Variants in GBF1 observed in about 807,000 individuals in gnomAD.
GBF1 encodes the protein golgi brefeldin A resistant guanine nucleotide exchange factor 1.
Under a neutral mutation model 210.5 loss-of-function variants are expected in GBF1, and 114 were observed. The observed-to-expected ratio is 0.54, with a 90% confidence interval of 0.47 to 0.63. GBF1 has a LOEUF of 0.63. GBF1 is among the 30% of genes least tolerant of loss of function. The pLI, the probability that GBF1 is intolerant of heterozygous loss-of-function variation, is 0.00. For synonymous variants in GBF1, 850 were observed against 889.2 expected, an observed-to-expected ratio of 0.96 and a Z score of 0.78; for missense variants, 1,851 against 2,357.7, an observed-to-expected ratio of 0.79 and a Z score of 4.45.
At chr10:102,317,583 A>C (rs1455019929) in intron 3 of GBF1, among the ~76,000 whole-genome samples, 2 of 152,154 alleles carry the variant, frequency 1.3e-5, no homozygotes, top group Non-Finnish European at 2.9e-5. Flanking sequence ...ACGTCATTGC[A>C]CTCCAGCCTG....
Position 102,368,824 on chromosome 10 carries a change from A to G in GBF1, c.2965A>G (p.Ser989Gly), listed in dbSNP as rs760258826. Residue 989 changes from serine (S) to glycine (G), a missense_variant, in exon 23 of 40, where the codon AGC becomes GGC. Coordinates refer to ENST00000369983, the MANE Select transcript of GBF1 (RefSeq NM_001377137.1). Reference protein sequence around the residue: ...IISLCKFTALSSESIENLPSV... With the variant: ...IISLCKFTALGSESIENLPSV... ...CTCTCTATGCAAATTCACAGCTCTC[A>G]GCAGTGAGGTGAGCAGGTGCAGGAA... 1 of 1,603,984 alleles carries G rather than the reference A, an allele frequency of 6.2e-7. No individual in the cohort carries two copies. Among genetic ancestry groups the G allele is most frequent in the Non-Finnish European group, 8.5e-7 (1 of 1,170,794 alleles).
In GBF1 at chr10:102,321,593, G is replaced by A. The variant is rs147505240; in HGVS notation, c.164-22458G>A. Among the ~76,000 whole-genome samples the A allele has an allele frequency of 2.0e-4, 31 of 152,226 alleles. 1 individual carries two copies. The East Asian group carries it at 6.0e-3, about 29-fold the overall frequency. On this transcript the variant is annotated intron_variant, in intron 3 of 39. Transcript: ENST00000369983. Reference sequence around the variant, plus strand: ...TTTTTGTTTGTTTTTGTTTTGAGACGGAGTCTCGCTCTACTACCCAGGCTG... The same window carrying A: ...TTTTTGTTTGTTTTTGTTTTGAGACAGAGTCTCGCTCTACTACCCAGGCTG...
chr10:102,380,068 C>A lies in GBF1; in HGVS notation c.4878+114C>A, dbSNP rs542310594. ...TGCACTGTAGGTGCTCACAACCCCC[C>A]AGCTATGGACACTAAGCAGGACCTA... is the stretch of plus-strand genomic sequence containing the variant. On this transcript the variant is annotated intron_variant, in intron 36 of 39. Coordinates refer to ENST00000369983, the MANE Select transcript of GBF1 (RefSeq NM_001377137.1). 1.8e-5 allele frequency: 14 copies of A among 758,692 alleles called. No homozygotes were observed. In the South Asian group the frequency reaches 2.2e-4, roughly 12 times the overall value. 47.0% of individuals were successfully genotyped at this position (758,692 alleles called of 1,614,324 possible).
intron 1 of GBF1, among the ~76,000 whole-genome samples, chr10:102,251,790 A>G (rs1159721866): frequency 6.6e-6 from 1 of 152,140 alleles, no homozygotes; most frequent in Non-Finnish European, 1.5e-5. Context: ...TTCTAGGCTC[A>G]ACTGATGCTC....
the GBF1 span, among the ~76,000 whole-genome samples, chr10:102,233,959 G>A: frequency 6.6e-6 from 1 of 152,182 alleles, no homozygotes; most frequent in Non-Finnish European, 1.5e-5. Flanking sequence ...CAATACTGGG[G>A]CTCAAGACTC....
intron 3 of GBF1, among the ~76,000 whole-genome samples, chr10:102,342,867 C>A (rs751387224): frequency 1.5e-4 from 23 of 152,126 alleles, no homozygotes; most frequent in Non-Finnish European, 2.8e-4. Context: ...GTGTAGTATT[C>A]TTTGACCTAG....
chr10:102,318,113 G>T (rs1227019877), intron 3 of GBF1, among the ~76,000 whole-genome samples: 1 of 151,754 alleles, frequency 6.6e-6, no homozygotes. Flanking sequence ...TTTCACCGTG[G>T]TCTCGATCTC....
At chr10:102,321,903 G>A (rs968464733) in intron 3 of GBF1, among the ~76,000 whole-genome samples, 2 of 152,200 alleles carry the variant, frequency 1.3e-5, no homozygotes, top group African/African-American at 4.8e-5. Flanking sequence ...CTGTCACCCA[G>A]GCTGGAGTAC....
intron 3 of GBF1, among the ~76,000 whole-genome samples, chr10:102,326,077 G>A (rs1335598693): frequency 7.9e-5 from 12 of 152,202 alleles, no homozygotes; most frequent in Admixed American, 6.5e-4. Context: ...CCTCATAACG[G>A]AGTAGTGGCA....
chr10:102,369,293 G>C lies in GBF1; in HGVS notation c.3056G>C (p.Arg1019Pro). The change falls in exon 24 of 40, where the codon CGT (arginine) becomes CCT (proline). Residue 1019 changes from arginine to proline, a missense_variant. Physicochemically the swap from Arg to Pro is moderately radical, Grantham distance 103 (BLOSUM62 -2). This residue lies in a region of GBF1 where 967 missense variants were observed against 1,247.7 expected (regional missense o/e 0.78). Coordinates refer to ENST00000369983, the MANE Select transcript of GBF1 (RefSeq NM_001377137.1). ...AAKTVFHLAHRHGDILREGWK... is the reference protein window; with the variant it reads ...AAKTVFHLAHPHGDILREGWK... Reference sequence around the variant, plus strand: ...AAGACAGTATTCCATTTGGCCCATCGTCATGGTGACATCCTGCGGGAGGGC... The same window carrying C: ...AAGACAGTATTCCATTTGGCCCATCCTCATGGTGACATCCTGCGGGAGGGC... 1 of 1,613,864 alleles carries C rather than the reference G, an allele frequency of 6.2e-7. No individual in the cohort carries two copies. The highest frequency in any genetic ancestry group is 8.5e-7 in the Non-Finnish European group (1 of 1,179,754).
At chr10:102,300,620 A>G (rs2077257543) in intron 3 of GBF1, among the ~76,000 whole-genome samples, 1 of 152,164 alleles carries the variant, frequency 6.6e-6, no homozygotes, top group Non-Finnish European at 1.5e-5. Flanking sequence ...TTTTTACCTA[A>G]TGACGCCAGA....
chr10:102,230,790 C>G, the GBF1 span: 1 of 1,547,504 alleles, frequency 6.5e-7, no homozygotes, highest in African/African-American at 1.4e-5. Context: ...GGGCCCCAGG[C>G]CCTGGCACGG....
chr10:102,262,250 G>A lies in GBF1; in HGVS notation c.163+2134G>A, dbSNP rs375089697. 3.9e-5 allele frequency among the ~76,000 whole-genome samples: 6 copies of A among 152,280 alleles called. No individual in the cohort carries two copies. In the East Asian group the frequency reaches 1.2e-3, roughly 29 times the overall value. ...GGAGGCAATTGTTGACTAGTTAGCA[G>A]GGCAAATGCTGCTACTAGGTGGCAT... is the stretch of plus-strand genomic sequence containing the variant. On this transcript the variant is annotated intron_variant, in intron 3 of 39. Coordinates refer to ENST00000369983, the MANE Select transcript of GBF1 (RefSeq NM_001377137.1).
chr10:102,284,726 T>C (rs2075800040), intron 3 of GBF1, among the ~76,000 whole-genome samples: 3 of 152,320 alleles, frequency 2.0e-5, no homozygotes, highest in Admixed American at 2.0e-4. Flanking sequence ...GCTAGGGACA[T>C]GTGTATACAT....
chr10:102,286,252 T>C (rs2075945894), intron 3 of GBF1, among the ~76,000 whole-genome samples: 1 of 150,802 alleles, frequency 6.6e-6, no homozygotes, highest in African/African-American at 2.5e-5. Flanking sequence ...TGTACTGTGG[T>C]CTATAATAGG....
intron 3 of GBF1, among the ~76,000 whole-genome samples, chr10:102,266,494 T>G (rs2073887342): frequency 1.3e-5 from 2 of 152,164 alleles, no homozygotes; most frequent in Admixed American, 1.3e-4. Context: ...AGCCACTGGT[T>G]TGACAGGACT....
At chr10:102,337,235 G>A (rs924569744) in intron 3 of GBF1, among the ~76,000 whole-genome samples, 2 of 151,922 alleles carry the variant, frequency 1.3e-5, no homozygotes, top group Middle Eastern at 3.4e-3. Flanking sequence ...AAAGTTAGCC[G>A]GGCATGGTGG....
At chr10:102,231,192 C>T in the GBF1 span, 27 of 1,271,086 alleles carry the variant, frequency 2.1e-5, no homozygotes, top group Admixed American at 7.8e-4. Flanking sequence ...CAGCCGGGGC[C>T]CTGCGGTCAA....
intron 1 of GBF1, among the ~76,000 whole-genome samples, chr10:102,258,148 A>G (rs1327655398): frequency 1.6e-5 from 2 of 128,366 alleles, no homozygotes; most frequent in African/African-American, 6.1e-5. Flanking sequence ...TTAGTATTAC[A>G]GATTTTTTTT....
Sources: gnomAD v4.1 joint callset for allele counts (sites outside exome capture counted in the v4.1 genomes callset) on GRCh38, gnomAD v4.1.1 for gene constraint, gnomAD v4.1.1 regional missense constraint, MANE v1.5 for transcripts, NCBI Gene and HGNC (gene_info 2026-07-23, HGNC 2026-07-21) for gene names.